The following ADAM2 variants were observed in gnomAD, a reference collection of about 807,000 sequenced individuals.
The protein encoded by ADAM2 is ADAM metallopeptidase domain 2, also known as disintegrin and metalloproteinase domain-containing protein 2.
A neutral mutation model predicts 99.3 loss-of-function variants in ADAM2; 101 were observed. The ratio of observed to expected loss-of-function variants is 1.02; its 90% CI spans 0.87 to 1.20. The LOEUF (loss-of-function observed/expected upper bound fraction) is 1.20, where lower values mean the gene tolerates loss of function less well. Among genes scored for constraint, ADAM2 ranks in the 50% most tolerant of loss-of-function variants. The pLI, the probability that ADAM2 is intolerant of heterozygous loss-of-function variation, is 0.00. For missense variants in ADAM2, 948 were observed against 878.7 expected (o/e 1.08, Z -1.00); for synonymous variants, 323 against 287.6 (o/e 1.12, Z -1.25).
chr8:39,788,449 TAAGG>T (rs1484569366), intron 8 of ADAM2, among the ~76,000 whole-genome samples, 198 bp from the exon 9 acceptor site: 2 of 151,858 alleles, frequency 1.3e-5, no homozygotes, highest in Non-Finnish European at 3.0e-5. Flanking sequence ...TGCTTGCATT[TAAGG>T]AAGCCCCATA....
chr8:39,778,690 GA>G, intron 10 of ADAM2, among the ~76,000 whole-genome samples: 1 of 152,088 alleles, frequency 6.6e-6, no homozygotes, highest in East Asian at 1.9e-4. Context: ...AGGAGGAGGA[GA>G]AAGAAGAAAG....
At chr8:39,816,963 A>G (rs1804969340) in intron 6 of ADAM2, among the ~76,000 whole-genome samples, 1 of 152,244 alleles carries the variant, frequency 6.6e-6, no homozygotes, top group African/African-American at 2.4e-5. Flanking sequence ...TCAACTCCTA[A>G]TTAGACTAGC....
intron 6 of ADAM2, among the ~76,000 whole-genome samples, chr8:39,811,712 C>A (rs1302290165): frequency 6.6e-6 from 1 of 151,982 alleles, no homozygotes; most frequent in Non-Finnish European, 1.5e-5. Flanking sequence ...AAAAGGCCTT[C>A]GACAAAATTC....
intron 7 of ADAM2, among the ~76,000 whole-genome samples, chr8:39,797,973 T>A (rs1804039682): frequency 6.6e-6 from 1 of 151,948 alleles, no homozygotes; most frequent in Admixed American, 6.6e-5. Context: ...AATATAAAAT[T>A]ATTCATCTGC....
intron 14 of ADAM2, among the ~76,000 whole-genome samples, chr8:39,765,294 A>G (rs1449785190): frequency 6.6e-6 from 1 of 152,140 alleles, no homozygotes; most frequent in African/African-American, 2.4e-5. Context: ...TGGCCACTAA[A>G]TAATACTGAT....
intron 7 of ADAM2, 151 bp downstream of exon 7, chr8:39,809,259 A>T: frequency 1.9e-6 from 1 of 514,576 alleles, no homozygotes; most frequent in Non-Finnish European, 3.5e-6. Context: ...TTTGATTCTC[A>T]ATTTACTACT....
chr8:39,744,824 A>T lies in ADAM2; in HGVS notation c.*30+6T>A, dbSNP rs1194478679. On this transcript the variant is annotated splice_donor_region_variant and intron_variant, in intron 20 of 20. Transcript: ENST00000265708. The stretch of plus-strand genomic sequence containing the variant: ...AATAAATTTTAAAAAAATGAAAGAA[A>T]CTCACAGTGATATCATGGCATCTCT... The T allele has an allele frequency of 6.4e-7, 1 of 1,560,304 alleles. No individual in the cohort carries two copies. The highest frequency in any genetic ancestry group is 2.3e-5 in the East Asian group (1 of 44,278).
chr8:39,817,729 A>G (rs922065447), intron 6 of ADAM2, among the ~76,000 whole-genome samples: 11 of 152,050 alleles, frequency 7.2e-5, no homozygotes, highest in African/African-American at 2.7e-4. Context: ...TACTCTGACC[A>G]CACAAAAAAG....
chr8:39,808,447 T>C (rs1269373222), intron 7 of ADAM2, among the ~76,000 whole-genome samples: 2 of 152,190 alleles, frequency 1.3e-5, no homozygotes, highest in Admixed American at 6.5e-5. Context: ...ATGGGGTGGA[T>C]ATATGATGAT....
intron 7 of ADAM2, among the ~76,000 whole-genome samples, chr8:39,789,487 C>T (rs921821836): frequency 1.3e-5 from 2 of 151,730 alleles, no homozygotes; most frequent in East Asian, 3.9e-4. Context: ...TTCAGAATGT[C>T]CATAACAATT....
At chr8:39,747,806 C>A (rs1257784056) in intron 18 of ADAM2, among the ~76,000 whole-genome samples, 2 of 152,148 alleles carry the variant, frequency 1.3e-5, no homozygotes, top group Non-Finnish European at 2.9e-5. Flanking sequence ...TTTACCACTT[C>A]ATAATAATGG....
intron 7 of ADAM2, among the ~76,000 whole-genome samples, chr8:39,806,484 A>G (rs1036565896): frequency 6.8e-6 from 1 of 148,138 alleles, no homozygotes; most frequent in African/African-American, 2.4e-5. Context: ...TATATAATAT[A>G]TTATAAATAT....
At chr8:39,766,656 C>A (rs1224597998) in intron 14 of ADAM2, among the ~76,000 whole-genome samples, 192 bp downstream of exon 14, 1 of 152,170 alleles carries the variant, frequency 6.6e-6, no homozygotes, top group East Asian at 1.9e-4. Flanking sequence ...GATCTGCCCG[C>A]CTCGGCCTCC....
chr8:39,779,313 G>T (rs939800073), intron 10 of ADAM2, among the ~76,000 whole-genome samples: 1 of 151,992 alleles, frequency 6.6e-6, no homozygotes, highest in Non-Finnish European at 1.5e-5. Context: ...CTCTATGTGC[G>T]CATGGAGAGC....
intron 6 of ADAM2, among the ~76,000 whole-genome samples, chr8:39,812,223 G>A (rs1046128482): frequency 1.3e-5 from 2 of 152,036 alleles, no homozygotes; most frequent in Admixed American, 1.3e-4. Flanking sequence ...TACCAGGGAT[G>A]TGAAGGACCT....
At chr8:39,786,136 C>T (rs985739511) in intron 10 of ADAM2, among the ~76,000 whole-genome samples, 4 of 152,056 alleles carry the variant, frequency 2.6e-5, no homozygotes, top group Admixed American at 1.3e-4. Context: ...GATGGTAACA[C>T]TAGAAACCAG....
intron 4 of ADAM2, among the ~76,000 whole-genome samples, chr8:39,823,175 C>A (rs1383719285): frequency 6.6e-6 from 1 of 152,124 alleles, no homozygotes. Flanking sequence ...TCACAAAATC[C>A]AGGACAATGA....
intron 4 of ADAM2, among the ~76,000 whole-genome samples, chr8:39,823,712 T>C (rs1266938618): frequency 1.3e-5 from 2 of 151,826 alleles, no homozygotes. Flanking sequence ...CAAACACACA[T>C]ACGCACACAC....
At chr8:39,746,665 A>C (rs1035209294) in intron 18 of ADAM2, 34 bp from the exon 19 acceptor site, 1 of 1,512,432 alleles carries the variant, frequency 6.6e-7, no homozygotes, top group East Asian at 2.4e-5. Flanking sequence ...TTTGAAAGCA[A>C]GCACCAGAAA....
Sources: allele counts gnomAD v4.1 joint callset (sites outside exome capture counted in the v4.1 genomes callset), GRCh38; gene constraint gnomAD v4.1.1; transcripts MANE v1.5; gene names NCBI Gene and HGNC (gene_info 2026-07-23, HGNC 2026-07-21).